Variants in SLC4A5 observed in about 807,000 individuals in gnomAD.
SLC4A5 encodes the protein electrogenic sodium bicarbonate cotransporter 4.
SLC4A5 carries 96 observed loss-of-function variants against 120.4 expected under a neutral mutation model. The ratio of observed to expected loss-of-function variants is 0.80; its 90% CI spans 0.68 to 0.94. The LOEUF (loss-of-function observed/expected upper bound fraction) is 0.94. Among genes scored for constraint, SLC4A5 ranks in the 40% least tolerant of loss-of-function variants. The pLI, the probability that SLC4A5 is intolerant of heterozygous loss-of-function variation, is 0.00. For missense variants in SLC4A5, 1,259 were observed against 1,459.5 expected, an observed-to-expected ratio of 0.86 and a Z score of 2.24; for synonymous variants, 550 against 571.1, an observed-to-expected ratio of 0.96 and a Z score of 0.53.
intron 5 of SLC4A5, among the ~76,000 whole-genome samples, chr2:74,323,741 G>A (rs1439920246): frequency 6.6e-6 from 1 of 152,210 alleles, no homozygotes; most frequent in East Asian, 1.9e-4. Flanking sequence ...GTAATCATGA[G>A]TATAAACACT....
intron 7 of SLC4A5, among the ~76,000 whole-genome samples, chr2:74,298,045 T>G (rs1446145133): frequency 2.0e-5 from 3 of 152,236 alleles, no homozygotes; most frequent in African/African-American, 7.2e-5. Flanking sequence ...CATTCACTGA[T>G]TAACATCTGC....
At chr2:74,282,924 C>T (rs1671859285) in intron 8 of SLC4A5, among the ~76,000 whole-genome samples, 1 of 152,194 alleles carries the variant, frequency 6.6e-6, no homozygotes, top group Non-Finnish European at 1.5e-5. Context: ...TCAGGGCGGG[C>T]AGTGGCTTCA....
intron 6 of SLC4A5, among the ~76,000 whole-genome samples, chr2:74,312,753 C>T (rs1438119413): frequency 2.6e-5 from 4 of 151,856 alleles, no homozygotes; most frequent in East Asian, 1.9e-4. Context: ...GCCAACATGG[C>T]GAAATCTCAT....
At chr2:74,331,962 C>G (rs552606014) in intron 4 of SLC4A5, among the ~76,000 whole-genome samples, 1 of 152,258 alleles carries the variant, frequency 6.6e-6, no homozygotes, top group Admixed American at 6.5e-5. Context: ...TCTTTTCAAC[C>G]TGCCCTAGGA....
chr2:74,256,689 C>T (rs1670975057), intron 12 of SLC4A5, among the ~76,000 whole-genome samples: 1 of 152,218 alleles, frequency 6.6e-6, no homozygotes, highest in Non-Finnish European at 1.5e-5. Flanking sequence ...TTATAACTTC[C>T]TGAGTCCTCT....
At chr2:74,233,266 C>T (rs1244411008) in intron 23 of SLC4A5, 136 bp downstream of exon 23, 1 of 1,040,196 alleles carries the variant, frequency 9.6e-7, no homozygotes, top group African/African-American at 1.6e-5. Flanking sequence ...CCTCAACACA[C>T]CAAGTGGGAA....
chr2:74,225,281 G>A (rs577722369), intron 27 of SLC4A5, among the ~76,000 whole-genome samples: 1 of 152,280 alleles, frequency 6.6e-6, no homozygotes, highest in Admixed American at 6.5e-5. Context: ...ATGGGCTGGA[G>A]AACTACAGTT....
chr2:74,315,559 T>C (rs1232613057), intron 5 of SLC4A5, among the ~76,000 whole-genome samples: 1 of 150,880 alleles, frequency 6.6e-6, no homozygotes, highest in Non-Finnish European at 1.5e-5. Context: ...AGAGCACATA[T>C]ACTACGTCAC....
At chr2:74,342,534 C>A (rs1176142891) in exon 2 of SLC4A5, 2 of 152,162 alleles carry the variant, frequency 1.3e-5, no homozygotes, top group African/African-American at 4.8e-5. Flanking sequence ...TCCTGGGATG[C>A]CTGCTTGGAG....
intron 3 of SLC4A5, among the ~76,000 whole-genome samples, chr2:74,337,312 G>A (rs1401925333): frequency 1.3e-5 from 2 of 152,118 alleles, no homozygotes; most frequent in South Asian, 2.1e-4. Context: ...TAACCTGCAG[G>A]CACCAACGAC....
Position 74,233,581 on chromosome 2 carries a change from G to C in SLC4A5, c.2434-18C>G. On this transcript the variant is annotated intron_variant, in intron 22 of 30. Transcript: ENST00000394019. ...CGCGTTGGCTGAGTGGGAGCAAACAGAGAGGGGCCCTTTCCTCTCTCCCTT... is the reference window on the plus strand; with the variant it reads ...CGCGTTGGCTGAGTGGGAGCAAACACAGAGGGGCCCTTTCCTCTCTCCCTT... The C allele has an allele frequency of 6.2e-7, 1 of 1,600,390 alleles. No homozygotes were observed. The highest frequency in any genetic ancestry group is 1.3e-5 in the African/African-American group (1 of 74,808).
chr2:74,233,475 A>C, exon 23 of SLC4A5: 1 of 1,614,258 alleles, frequency 6.2e-7, no homozygotes, highest in Non-Finnish European at 8.5e-7. Context: ...GATGGTCACC[A>C]GCAGGGCGGG....
At chr2:74,231,125 G>A (rs1670065834) in intron 25 of SLC4A5, 111 bp downstream of exon 25, 2 of 961,940 alleles carry the variant, frequency 2.1e-6, no homozygotes, top group Admixed American at 2.2e-5. Context: ...GCCTTTCTTA[G>A]GGGGCTGATA....
chr2:74,248,227 A>G, intron 18 of SLC4A5, 126 bp downstream of exon 18: 2 of 1,303,854 alleles, frequency 1.5e-6, no homozygotes. Context: ...AGCCCTTCCC[A>G]TAGTTAAAGA....
chr2:74,244,444 T>C (rs546832323), intron 19 of SLC4A5, among the ~76,000 whole-genome samples: 3 of 137,364 alleles, frequency 2.2e-5, no homozygotes, highest in East Asian at 4.7e-4. Context: ...TCCTTTCCTT[T>C]CTTTTCTTTC....
At chr2:74,299,881 G>A (rs1387317687) in intron 7 of SLC4A5, among the ~76,000 whole-genome samples, 2 of 152,156 alleles carry the variant, frequency 1.3e-5, no homozygotes, top group African/African-American at 4.8e-5. Context: ...ACACCCAAAG[G>A]AAGCCAAATC....
chr2:74,225,073 T>C (rs185821227), intron 27 of SLC4A5, 78 bp from the exon 28 acceptor site: 2 of 1,443,734 alleles, frequency 1.4e-6, no homozygotes, highest in Admixed American at 4.3e-5. Context: ...AGGCATAGAT[T>C]TTTTTCTCCC....
exon 23 of SLC4A5, chr2:74,233,455 T>C (rs781071671): frequency 1.9e-6 from 3 of 1,614,232 alleles, no homozygotes; most frequent in South Asian, 1.1e-5. Flanking sequence ...TGCTGGTCCA[T>C]GAAGATCAGG....
In SLC4A5 at chr2:74,239,321, C is replaced by T. The variant is rs1327606401; in HGVS notation, c.2319+14G>A. The stretch of plus-strand genomic sequence containing the variant: ...CTGACTGCAGGTCCCCTCCTAACTG[C>T]AGGGTGAGCTTACCTTGGTAGGAAA... On this transcript the variant is annotated intron_variant, in intron 21 of 30. Coordinates refer to ENST00000394019, the Ensembl canonical transcript of SLC4A5. The T allele has an allele frequency of 3.1e-6, 5 of 1,613,458 alleles. No homozygotes were observed. Among genetic ancestry groups the T allele is most frequent in the Non-Finnish European group, 4.2e-6 (5 of 1,179,474 alleles).
Sources: gnomAD v4.1 joint callset for allele counts (sites outside exome capture counted in the v4.1 genomes callset) on GRCh38, gnomAD v4.1.1 for gene constraint, MANE v1.5 for transcripts, NCBI Gene and HGNC (gene_info 2026-07-23, HGNC 2026-07-21) for gene names.